Variants in ANK2 observed in about 807,000 individuals in gnomAD.
The protein encoded by ANK2 is ankyrin-2.
ANK2 carries 83 observed loss-of-function variants against 360.5 expected under a neutral mutation model. That is an observed-to-expected ratio of 0.23 (90% CI 0.19 to 0.28). The LOEUF is 0.28. Among genes scored for constraint, ANK2 ranks in the 10% least tolerant of loss-of-function variants. The probability of loss-of-function intolerance (pLI) is 1.00; values close to 1 mark genes in which losing one functional copy is unlikely to be tolerated. For missense variants in ANK2, 4,201 were observed against 4,795.7 expected, an observed-to-expected ratio of 0.88 and a Z score of 3.66; for synonymous variants, 1,740 against 1,759.5, an observed-to-expected ratio of 0.99 and a Z score of 0.28.
chr4:113,257,172 C>T (rs997135224), intron 11 of ANK2, among the ~76,000 whole-genome samples: 3 of 151,952 alleles, frequency 2.0e-5, no homozygotes, highest in Admixed American at 6.6e-5. Context: ...TTGGGACATG[C>T]GAAATTGTTA....
chr4:112,841,148 C>T (rs1387127124), intron 1 of ANK2, among the ~76,000 whole-genome samples: 6 of 123,882 alleles, frequency 4.8e-5, no homozygotes, highest in African/African-American at 2.0e-4. Flanking sequence ...AGCCCCTTTA[C>T]AGCAGATCTG....
At chr4:113,017,428 A>G (rs973679805) in intron 2 of ANK2, among the ~76,000 whole-genome samples, 1 of 152,008 alleles carries the variant, frequency 6.6e-6, no homozygotes, top group African/African-American at 2.4e-5. Context: ...TTTTTGTTTG[A>G]AGAAGAAGCT....
chr4:112,846,481 C>T (rs759478107), intron 1 of ANK2, among the ~76,000 whole-genome samples: 2 of 152,068 alleles, frequency 1.3e-5, no homozygotes, highest in African/African-American at 2.4e-5. Context: ...GCCAAAGTCA[C>T]GAAATTCATT....
intron 2 of ANK2, among the ~76,000 whole-genome samples, chr4:112,961,438 A>C (rs529009932): frequency 6.6e-6 from 1 of 152,194 alleles, no homozygotes; most frequent in African/African-American, 2.4e-5. Flanking sequence ...AGCTACATAA[A>C]TAAAGATTCT....
chr4:112,775,544 C>CACACACACACACACACAA, the ANK2 span, among the ~76,000 whole-genome samples: 1 of 151,330 alleles, frequency 6.6e-6, no homozygotes, highest in African/African-American at 2.4e-5. Context: ...CACACACACA[C>CACACACACACACACACAA]AAGAAAAAAA....
At chr4:113,245,974 T>A (rs1341981711) in intron 9 of ANK2, among the ~76,000 whole-genome samples, 1 of 152,166 alleles carries the variant, frequency 6.6e-6, no homozygotes, top group African/African-American at 2.4e-5. Context: ...TTTTGTATTT[T>A]TAATAGAGAC....
At chr4:112,972,716 A>G (rs1326416265) in intron 2 of ANK2, among the ~76,000 whole-genome samples, 1 of 152,190 alleles carries the variant, frequency 6.6e-6, no homozygotes, top group Non-Finnish European at 1.5e-5. Flanking sequence ...AGACACATGC[A>G]CACACATGTT....
Position 113,079,080 on chromosome 4 carries a change from G to T in ANK2, c.84+29268G>T, listed in dbSNP as rs2081289194. 2.6e-5 allele frequency among the ~76,000 whole-genome samples: 4 copies of T among 152,260 alleles called. No homozygotes were observed. The South Asian group carries it at 8.3e-4, about 32-fold the overall frequency. On this transcript the variant is annotated intron_variant, in intron 1 of 45. Coordinates refer to ENST00000357077, the MANE Select transcript of ANK2 (RefSeq NM_001148.6). ...GAATAAACACGTGGAAACTGCACAA[G>T]ACCTTAAGGGTCCTACCTCCTACCT...
chr4:113,203,752 T>C (rs1205578457), intron 4 of ANK2, among the ~76,000 whole-genome samples: 2 of 152,198 alleles, frequency 1.3e-5, no homozygotes, highest in South Asian at 4.1e-4. Context: ...TGATGACAAA[T>C]TGAGACTCAG....
chr4:113,307,410 ACC>A (rs2077711854), intron 23 of ANK2, among the ~76,000 whole-genome samples: 1 of 105,990 alleles, frequency 9.4e-6, no homozygotes, highest in African/African-American at 3.9e-5. Context: ...GAGCCATTCC[ACC>A]TTTTTTTTTT....
intron 4 of ANK2, among the ~76,000 whole-genome samples, chr4:113,216,094 A>G (rs1451851763): frequency 1.3e-5 from 2 of 152,152 alleles, no homozygotes; most frequent in African/African-American, 4.8e-5. Context: ...TCAGATTCTA[A>G]ATCTTCCACC....
At chr4:113,232,027 A>G in intron 4 of ANK2, 134 bp from the exon 5 acceptor site, 1 of 685,230 alleles carries the variant, frequency 1.5e-6, no homozygotes, top group Admixed American at 2.1e-5. Flanking sequence ...GTCTAGCTTT[A>G]TAATGATAAA....
chr4:113,250,761 C>T (rs552444787), intron 10 of ANK2, among the ~76,000 whole-genome samples: 2 of 137,794 alleles, frequency 1.5e-5, no homozygotes, highest in Non-Finnish European at 3.2e-5. Flanking sequence ...CACCGCCCCC[C>T]CCCCCGACAG....
chr4:112,861,750 T>G (rs1024078334), intron 1 of ANK2, among the ~76,000 whole-genome samples: 2 of 152,034 alleles, frequency 1.3e-5, no homozygotes, highest in African/African-American at 2.4e-5. Context: ...ACTTTCAGTG[T>G]GACAATGTTT....
intron 1 of ANK2, among the ~76,000 whole-genome samples, chr4:113,147,217 A>AC (rs57142223): frequency 0.012 from 1,761 of 152,212 alleles, 29 homozygotes; most frequent in African/African-American, 0.038. Context: ...AAGGGAGATC[A>AC]CCCACCGTTA....
At chr4:112,827,636 A>C (rs2058687886) in intron 1 of ANK2, 1 of 792,180 alleles carries the variant, frequency 1.3e-6, no homozygotes. Context: ...AGATCCTTGC[A>C]ATTTACTGCC....
intron 4 of ANK2, among the ~76,000 whole-genome samples, chr4:113,214,757 A>G (rs1335128151): frequency 6.6e-6 from 1 of 152,204 alleles, no homozygotes; most frequent in East Asian, 1.9e-4. Context: ...GGGTGCTTGC[A>G]TGACTAACTT....
At chr4:113,145,792 A>T (rs769940434) in intron 1 of ANK2, 6 of 1,256,684 alleles carry the variant, frequency 4.8e-6, no homozygotes, top group Non-Finnish European at 6.2e-6. Flanking sequence ...TGCCCACATT[A>T]GTGTACCCCT....
intron 2 of ANK2, among the ~76,000 whole-genome samples, chr4:112,928,866 T>TC (rs1352294761): frequency 6.6e-6 from 1 of 151,432 alleles, no homozygotes; most frequent in Non-Finnish European, 1.5e-5. Flanking sequence ...TTTTTTTTTT[T>TC]TTTTAAGACA....
Sources: allele counts gnomAD v4.1 joint callset (sites outside exome capture counted in the v4.1 genomes callset), GRCh38; gene constraint gnomAD v4.1.1; transcripts MANE v1.5; gene names NCBI Gene and HGNC (gene_info 2026-07-23, HGNC 2026-07-21).